GON4L: variants seen among roughly 807,000 people sequenced by gnomAD.
The protein encoded by GON4L is gon-4 like.
A neutral mutation model predicts 211.8 loss-of-function variants in GON4L; 87 were observed. The observed-to-expected ratio is 0.41, with a 90% CI of 0.35 to 0.49. GON4L has a LOEUF of 0.49. Among genes scored for constraint, GON4L ranks in the 20% least tolerant of loss-of-function variants. The pLI, the probability that GON4L is intolerant of heterozygous loss-of-function variation, is 0.15. For synonymous variants in GON4L, 875 were observed against 962.6 expected, an observed-to-expected ratio of 0.91 and a Z score of 1.68; for missense variants, 2,155 against 2,659.5, an observed-to-expected ratio of 0.81 and a Z score of 4.17.
intron 14 of GON4L, among the ~76,000 whole-genome samples, chr1:155,782,482 T>G (rs1664515527): frequency 2.6e-5 from 4 of 152,196 alleles, no homozygotes; most frequent in Admixed American, 2.6e-4. Context: ...AGCCTAGGTA[T>G]GCAGTAGGCT....
chr1:155,773,343 TC>T, intron 17 of GON4L, 133 bp from the exon 18 acceptor site: 2 of 972,332 alleles, frequency 2.1e-6, no homozygotes, highest in Non-Finnish European at 3.1e-6. Context: ...CTGCCCACCA[TC>T]CCCCCAAAAG....
chr1:155,785,651 G>A (rs1664865382), intron 12 of GON4L, among the ~76,000 whole-genome samples: 2 of 151,986 alleles, frequency 1.3e-5, no homozygotes, highest in African/African-American at 4.8e-5. Context: ...CACCATGCCT[G>A]GCTAATTTTT....
chr1:155,750,648 G>GTAC lies in GON4L; in HGVS notation c.6659_6661dup (p.Ser2220dup). On this transcript the variant is annotated inframe_insertion, in exon 32 of 32. Coordinates refer to ENST00000368331, the MANE Select transcript of GON4L (RefSeq NM_001282860.2). ...GTCAGACAGCTGGTCTGCATTGCTG[G>GTAC]TACTGGTTGCATCATCCTCATCCTC... 1 of 1,575,448 alleles carries GTAC rather than the reference G, an allele frequency of 6.3e-7. No homozygotes were observed. The highest frequency in any genetic ancestry group is 8.7e-7 in the Non-Finnish European group (1 of 1,153,326).
intron 1 of GON4L, among the ~76,000 whole-genome samples, 196 bp from the exon 2 acceptor site, chr1:155,854,002 A>G (rs1672043482): frequency 6.6e-6 from 1 of 152,202 alleles, no homozygotes; most frequent in Non-Finnish European, 1.5e-5. Context: ...ATTACTACTG[A>G]TGGACTACTG....
Position 155,765,009 on chromosome 1 carries a change from T to A in GON4L, c.4464A>T (p.Pro1488=), listed in dbSNP as rs1434877501. Reference sequence around the variant, plus strand: ...ATTCTCCAGCTCTCACCTGGAGTTCTGGGACAGAAAGCACAGATTCCTCAG... The same window carrying A: ...ATTCTCCAGCTCTCACCTGGAGTTCAGGGACAGAAAGCACAGATTCCTCAG... ...SASEESVLSV[P]ELQETMEKLT... Residue 1488 remains proline (P), a synonymous_variant, in exon 21 of 32, where the codon CCA becomes CCT. Coordinates refer to ENST00000368331, the MANE Select transcript of GON4L (RefSeq NM_001282860.2). 2 of 1,614,118 alleles carry A rather than the reference T, an allele frequency of 1.2e-6. No homozygotes were observed. Among genetic ancestry groups the A allele is most frequent in the South Asian group, 2.2e-5 (2 of 91,090 alleles).
At chr1:155,811,360 C>G (rs1667745450) in intron 10 of GON4L, among the ~76,000 whole-genome samples, 1 of 119,696 alleles carries the variant, frequency 8.4e-6, no homozygotes, top group Non-Finnish European at 1.6e-5. Context: ...CCACTGCACT[C>G]CAGCCTAGAG....
At chr1:155,857,774 TG>T (rs1197159967), upstream of GON4L, among the ~76,000 whole-genome samples, 4 of 151,912 alleles carry the variant, frequency 2.6e-5, no homozygotes, top group Admixed American at 2.6e-4. Context: ...ACGAGTCACC[TG>T]GAACACAGGA....
At position 155,760,494 on chromosome 1, in the gene GON4L, T is replaced by C; in HGVS notation, c.5059A>G (p.Lys1687Glu). ...ILLQDWPQLL[K>E]DFAAFLLPEQ... The stretch of plus-strand genomic sequence containing the variant: ...GGTAACAGGAAAGCAGCAAAGTCTT[T>C]CAACAGCTGAGGCCAGTCTTGGAGC... Residue 1687 changes from lysine to glutamate, a missense_variant, in exon 24 of 32, where the codon AAA becomes GAA. By Grantham distance (56) the Lys-to-Glu change is moderately conservative (BLOSUM62 1). Around this residue, in one of 6 missense-constraint regions of GON4L, gnomAD observed 455 missense variants for 504.6 expected, o/e 0.90. Coordinates refer to ENST00000368331, the MANE Select transcript of GON4L (RefSeq NM_001282860.2). 1 of 1,613,478 alleles carries C rather than the reference T, an allele frequency of 6.2e-7. No homozygotes were observed. Among genetic ancestry groups the C allele is most frequent in the Non-Finnish European group, 8.5e-7 (1 of 1,179,468 alleles).
intron 2 of GON4L, among the ~76,000 whole-genome samples, chr1:155,850,677 T>C (rs1310766879): frequency 1.3e-5 from 2 of 152,068 alleles, no homozygotes; most frequent in Admixed American, 1.3e-4. Context: ...AAAAACCACA[T>C]ACTGAGAATG....
rs1668642082 is a variant in GON4L at position 155,820,586 on chromosome 1, CAA to C, written c.1014+18_1014+19del. The C allele has an allele frequency of 6.3e-7, 1 of 1,582,084 alleles. No homozygotes were observed. Among genetic ancestry groups the C allele is most frequent in the East Asian group, 2.2e-5 (1 of 44,714 alleles). Reference sequence around the variant, plus strand: ...CACCAAGCTAAAAAAAAACCAACAACAAAAAAACAGAATACTTACCACTCCTT... The same window carrying C: ...CACCAAGCTAAAAAAAAACCAACAACAAAAACAGAATACTTACCACTCCTT... On this transcript the variant is annotated intron_variant, in intron 6 of 31. Coordinates refer to ENST00000368331, the MANE Select transcript of GON4L (RefSeq NM_001282860.2).
At chr1:155,781,814 T>C (rs1664456553) in intron 14 of GON4L, among the ~76,000 whole-genome samples, 1 of 151,990 alleles carries the variant, frequency 6.6e-6, no homozygotes. Flanking sequence ...TGGAGTACAG[T>C]GGCACAATCT....
At chr1:155,773,522 G>A (rs1663430554) in intron 17 of GON4L, 4 of 301,938 alleles carry the variant, frequency 1.3e-5, no homozygotes, top group Non-Finnish European at 2.5e-5. Context: ...GCTCAAAAAT[G>A]TTTTACCTCC....
At position 155,799,975 on chromosome 1, in the gene GON4L, C is replaced by T. The variant is rs1214844102; in HGVS notation, c.1646-4824G>A. Among the ~76,000 whole-genome samples, 3 of 151,838 alleles carry T rather than the reference C, an allele frequency of 2.0e-5. No individual in the cohort carries two copies. In the East Asian group the frequency reaches 5.9e-4, roughly 30 times the overall value. On this transcript the variant is annotated intron_variant, in intron 11 of 31. Transcript: ENST00000368331. ...CAGAACTTTGGGAGGCCGAGGAGGG[C>T]GGATCACCTGAGGTTGGAAGTTCGA...
At chr1:155,782,467 C>T (rs1315129919) in intron 14 of GON4L, among the ~76,000 whole-genome samples, 2 of 151,950 alleles carry the variant, frequency 1.3e-5, no homozygotes, top group East Asian at 1.9e-4. Context: ...TATGTTATAC[C>T]GTATAGCCTA....
intron 23 of GON4L, among the ~76,000 whole-genome samples, chr1:155,761,852 C>T (rs2101697721): frequency 6.6e-6 from 1 of 152,234 alleles, no homozygotes; most frequent in South Asian, 2.1e-4. Flanking sequence ...CCAGTGTACC[C>T]ACTATCTTTC....
chr1:155,804,340 T>G (rs1226676593), intron 11 of GON4L, among the ~76,000 whole-genome samples: 1 of 151,878 alleles, frequency 6.6e-6, no homozygotes, highest in Non-Finnish European at 1.5e-5. Flanking sequence ...CACCCCACTG[T>G]GATCCACCCT....
At chr1:155,850,949 T>A (rs1671715043) in intron 2 of GON4L, among the ~76,000 whole-genome samples, 1 of 143,306 alleles carries the variant, frequency 7.0e-6, no homozygotes, top group South Asian at 2.3e-4. Context: ...CCTAGCTACT[T>A]GGGAGGCTGA....
chr1:155,823,894 C>T (rs1156562792), intron 3 of GON4L, among the ~76,000 whole-genome samples: 2 of 151,088 alleles, frequency 1.3e-5, no homozygotes, highest in African/African-American at 2.4e-5. Flanking sequence ...TTCACACACA[C>T]ACACAAAAAA....
chr1:155,767,735 TTAAAC>T (rs1215174685), intron 19 of GON4L, among the ~76,000 whole-genome samples, 194 bp from the exon 20 acceptor site: 1 of 152,098 alleles, frequency 6.6e-6, no homozygotes, highest in Non-Finnish European at 1.5e-5. Flanking sequence ...ACATTTCAAA[TTAAAC>T]TAATCTCTAT....
Sources: allele counts gnomAD v4.1 joint callset (sites outside exome capture counted in the v4.1 genomes callset), GRCh38; gene constraint gnomAD v4.1.1; regional missense constraint gnomAD v4.1.1; transcripts MANE v1.5; gene names NCBI Gene and HGNC (gene_info 2026-07-23, HGNC 2026-07-21).